The following GBF1 variants were observed in gnomAD, a reference collection of about 807,000 sequenced individuals.
GBF1 encodes golgi brefeldin A resistant guanine nucleotide exchange factor 1.
GBF1 carries 114 observed loss-of-function variants against 210.5 expected under a neutral mutation model. That is an observed-to-expected ratio of 0.54 (90% CI 0.47 to 0.63). GBF1 has a LOEUF of 0.63. Among genes scored for constraint, GBF1 ranks in the 30% least tolerant of loss-of-function variants. GBF1 has a pLI of 0.00. For missense variants in GBF1, 1,851 were observed against 2,357.7 expected, an observed-to-expected ratio of 0.79 and a Z score of 4.45; for synonymous variants, 850 against 889.2, an observed-to-expected ratio of 0.96 and a Z score of 0.78.
Position 102,245,651 on chromosome 10 carries a change from G to C in GBF1, c.-141G>C, listed in dbSNP as rs1204767837. On this transcript the variant is annotated 5_prime_UTR_variant, in exon 1 of 40. Coordinates refer to ENST00000369983, the MANE Select transcript of GBF1 (RefSeq NM_001377137.1). The stretch of plus-strand genomic sequence containing the variant: ...TTCGGCCTCAATTTCCAGGAAACAG[G>C]CTCCTTCTCTTCTCCCATCTGCTAC... 1 of 152,272 alleles carries C rather than the reference G, an allele frequency of 6.6e-6. No individual in the cohort carries two copies. The highest frequency in any genetic ancestry group is 1.5e-5 in the Non-Finnish European group (1 of 68,104). 9.4% of individuals were successfully genotyped at this position (152,272 alleles called of 1,614,324 possible).
chr10:102,293,779 T>TTTTTGAGATGGAG (rs2076669621), intron 3 of GBF1, among the ~76,000 whole-genome samples: 1 of 95,494 alleles, frequency 1.0e-5, no homozygotes, highest in Admixed American at 1.2e-4. Flanking sequence ...GTGTTTTTTT[T>TTTTTGAGATGGAG]TTTTTTTTTT....
At chr10:102,332,137 G>A (rs1446149470) in intron 3 of GBF1, among the ~76,000 whole-genome samples, 4 of 151,772 alleles carry the variant, frequency 2.6e-5, no homozygotes, top group African/African-American at 9.7e-5. Flanking sequence ...TGGGATTACA[G>A]GTGTGAGCCA....
chr10:102,243,517 T>C (rs960191360), upstream of GBF1, among the ~76,000 whole-genome samples: 50 of 152,312 alleles, frequency 3.3e-4, no homozygotes, highest in African/African-American at 1.1e-3. Flanking sequence ...TTTAGAATGA[T>C]GAATTTCTGG....
chr10:102,340,846 T>C (rs554226914), intron 3 of GBF1, among the ~76,000 whole-genome samples: 1 of 152,284 alleles, frequency 6.6e-6, no homozygotes, highest in South Asian at 2.1e-4. Flanking sequence ...GTGAAAAACA[T>C]AAATCTGTAA....
At chr10:102,372,228 T>G (rs2060252607) in intron 29 of GBF1, among the ~76,000 whole-genome samples, 1 of 148,554 alleles carries the variant, frequency 6.7e-6, no homozygotes, top group Non-Finnish European at 1.5e-5. Context: ...AAAAAAGACT[T>G]ACTCTCGGCT....
At chr10:102,293,764 G>GTTTTTTTTTTATTTTTTTTT (rs1263151407) in intron 3 of GBF1, among the ~76,000 whole-genome samples, 1 of 50,888 alleles carries the variant, frequency 2.0e-5, no homozygotes, top group Non-Finnish European at 4.2e-5. Flanking sequence ...GCTGTAGTAT[G>GTTTTTTTTTTATTTTTTTTT]TTTTGTGTTT....
At chr10:102,318,846 C>T (rs1366372304) in intron 3 of GBF1, among the ~76,000 whole-genome samples, 1 of 152,206 alleles carries the variant, frequency 6.6e-6, no homozygotes, top group Non-Finnish European at 1.5e-5. Flanking sequence ...TTGCAATACT[C>T]ACCACCCCAT....
intron 3 of GBF1, among the ~76,000 whole-genome samples, chr10:102,288,504 G>A (rs954660766): frequency 1.3e-5 from 2 of 151,732 alleles, no homozygotes; most frequent in African/African-American, 2.4e-5. Flanking sequence ...GAGGTCAGGA[G>A]ATCGAGACCA....
intron 3 of GBF1, among the ~76,000 whole-genome samples, chr10:102,317,725 C>T (rs2055955522): frequency 6.6e-6 from 1 of 152,128 alleles, no homozygotes; most frequent in Non-Finnish European, 1.5e-5. Context: ...AACACAATAT[C>T]ACCCTTAGCA....
chr10:102,381,345 C>T (rs564016063), intron 39 of GBF1, 90 bp downstream of exon 39: 18 of 1,382,278 alleles, frequency 1.3e-5, no homozygotes, highest in Non-Finnish European at 1.8e-5. Context: ...TGCTGCTGAG[C>T]AGGGTCTGTG....
chr10:102,381,907 A>G (rs2060881166), intron 39 of GBF1, 149 bp from the exon 40 acceptor site: 1 of 452,618 alleles, frequency 2.2e-6, no homozygotes, highest in Non-Finnish European at 3.8e-6. Flanking sequence ...TTTTGAGGGG[A>G]GACTCCCAAC....
At chr10:102,304,007 A>G (rs2077625709) in intron 3 of GBF1, among the ~76,000 whole-genome samples, 1 of 152,044 alleles carries the variant, frequency 6.6e-6, no homozygotes, top group South Asian at 2.1e-4. Context: ...TTTTACTCCA[A>G]AGGCATTGCC....
chr10:102,343,396 G>A (rs962781513), intron 3 of GBF1, among the ~76,000 whole-genome samples: 2 of 152,186 alleles, frequency 1.3e-5, no homozygotes, highest in Non-Finnish European at 2.9e-5. Flanking sequence ...GGAGGGTGGT[G>A]AAATGGGCAT....
rs2058347336 is a variant in GBF1, at chr10:102,343,720, A to G, written c.164-331A>G. ...ATAGTCCCAGCTACTGAGGAGGCTG[A>G]GGGGCTTGAGCCCTGGAGGTGGAGG... On this transcript the variant is annotated intron_variant, in intron 3 of 39. Transcript: ENST00000369983. Among the ~76,000 whole-genome samples the G allele has an allele frequency of 2.0e-5, 3 of 147,470 alleles. No homozygotes were observed. The South Asian group carries it at 6.4e-4, about 31-fold the overall frequency.
chr10:102,339,542 C>T (rs1397250717), intron 3 of GBF1, among the ~76,000 whole-genome samples: 2 of 150,776 alleles, frequency 1.3e-5, no homozygotes, highest in Non-Finnish European at 2.9e-5. Flanking sequence ...TGGCACGTTC[C>T]TGTAGTCCCA....
the GBF1 span, among the ~76,000 whole-genome samples, chr10:102,237,062 C>G: frequency 6.6e-6 from 1 of 152,170 alleles, no homozygotes; most frequent in Non-Finnish European, 1.5e-5. Context: ...AGAAATGACT[C>G]CACAGTCTTC....
rs1290276827 is a variant in GBF1 at position 102,370,687 on chromosome 10, A to T, written c.3507-20A>T. 2.5e-6 allele frequency: 4 copies of T among 1,611,934 alleles called. No homozygotes were observed. The Admixed American group carries it at 5.0e-5, about 20-fold the overall frequency. On this transcript the variant is annotated intron_variant, in intron 28 of 39. Transcript: ENST00000369983. Reference sequence around the variant, plus strand: ...GGCCCCTCTGGCTGAGACTATCTTCATTCCTTTATGTCTACACAGGGATCG... The same window carrying T: ...GGCCCCTCTGGCTGAGACTATCTTCTTTCCTTTATGTCTACACAGGGATCG...
chr10:102,311,299 G>A (rs1291007152), intron 3 of GBF1, among the ~76,000 whole-genome samples: 1 of 152,220 alleles, frequency 6.6e-6, no homozygotes, highest in Non-Finnish European at 1.5e-5. Context: ...ACTGGCGTGA[G>A]CCTTAAGAAA....
In GBF1 at chr10:102,368,726, G is replaced by A; in HGVS notation, c.2880-13G>A. On this transcript the variant is annotated splice_polypyrimidine_tract_variant and intron_variant, in intron 22 of 39. Coordinates refer to ENST00000369983, the MANE Select transcript of GBF1 (RefSeq NM_001377137.1). ...CAGTGACTCTGTTTCTGGGATGGGGGGTAACATTACAGGAAGTGCGCCATG... is the reference window on the plus strand; with the variant it reads ...CAGTGACTCTGTTTCTGGGATGGGGAGTAACATTACAGGAAGTGCGCCATG... 6.3e-7 allele frequency: 1 copy of A among 1,592,624 alleles called. No individual in the cohort carries two copies. Among genetic ancestry groups the A allele is most frequent in the Non-Finnish European group, 8.6e-7 (1 of 1,160,820 alleles).
Sources: gnomAD v4.1 joint callset for allele counts (sites outside exome capture counted in the v4.1 genomes callset) on GRCh38, gnomAD v4.1.1 for gene constraint, MANE v1.5 for transcripts, NCBI Gene and HGNC (gene_info 2026-07-23, HGNC 2026-07-21) for gene names.